The following TSC22D2 variants were observed in gnomAD, a reference collection of about 807,000 sequenced individuals.
TSC22D2 encodes the protein TSC22 domain family protein 2.
TSC22D2 carries 5 observed loss-of-function variants against 50.1 expected under a neutral mutation model. The observed-to-expected ratio is 0.10, with a 90% CI of 0.05 to 0.21. TSC22D2 has a LOEUF of 0.21. TSC22D2 is among the 10% of genes least tolerant of loss of function. The pLI is 1.00. For missense variants in TSC22D2, 1,003 were observed against 1,015.5 expected (o/e 0.99, Z 0.17); for synonymous variants, 501 against 450.1 (o/e 1.11, Z -1.43).
At chr3:150,458,023 A>C (rs1216927102) in intron 2 of TSC22D2, among the ~76,000 whole-genome samples, 1 of 152,186 alleles carries the variant, frequency 6.6e-6, no homozygotes, top group Non-Finnish European at 1.5e-5. Flanking sequence ...CTAGTTTAAC[A>C]TCAAACAGCT....
In TSC22D2 at chr3:150,410,079, C is replaced by A. The variant is rs534532992; in HGVS notation, c.729C>A (p.Asp243Glu). Residue 243 changes from aspartate to glutamate, a missense_variant, in exon 1 of 3, where the codon GAC (aspartate) becomes GAA (glutamate). Asp to Glu is a conservative substitution (Grantham distance 45). Transcript: ENST00000688009. Reference sequence around the variant, plus strand: ...CGCACGGGCCCGAGTCGGGAACTGACAGCTCCTTGACTGCTGTGTCACAGC... The same window carrying A: ...CGCACGGGCCCGAGTCGGGAACTGAAAGCTCCTTGACTGCTGTGTCACAGC... ...QGAHGPESGTDSSLTAVSQLP... is the reference protein window; with the variant it reads ...QGAHGPESGTESSLTAVSQLP... The A allele has an allele frequency of 6.2e-7, 1 of 1,613,044 alleles. No individual in the cohort carries two copies. The highest frequency in any genetic ancestry group is 8.5e-7 in the Non-Finnish European group (1 of 1,180,022).
intron 1 of TSC22D2, among the ~76,000 whole-genome samples, chr3:150,414,583 C>CTTG (rs1719728782): frequency 6.6e-6 from 1 of 152,000 alleles, no homozygotes; most frequent in Admixed American, 6.6e-5. Context: ...ATTTCTATGT[C>CTTG]TTGTTAATGG....
Position 150,461,414 on chromosome 3 carries a change from G to T in TSC22D2, c.*2778G>T, listed in dbSNP as rs1447904046. The T allele has an allele frequency of 6.6e-6, 1 of 152,176 alleles. No homozygotes were observed. The allele number at this position is 152,176 out of a possible 1,614,324, so 9.4% of individuals were successfully genotyped here. The stretch of plus-strand genomic sequence containing the variant: ...CCAATTTGGAGGCACAGTCTTACAG[G>T]AATGCCATCTATCTAATTCTGTCAG... On this transcript the variant is annotated 3_prime_UTR_variant, in exon 3 of 3. Transcript: ENST00000688009.
chr3:150,446,916 T>C (rs990231766), intron 1 of TSC22D2, among the ~76,000 whole-genome samples: 2 of 152,226 alleles, frequency 1.3e-5, no homozygotes, highest in Non-Finnish European at 2.9e-5. Flanking sequence ...CTTTGTCAAA[T>C]ATATTGTTCA....
intron 1 of TSC22D2, among the ~76,000 whole-genome samples, chr3:150,427,592 C>G (rs1720235381): frequency 6.6e-6 from 1 of 152,080 alleles, no homozygotes; most frequent in African/African-American, 2.4e-5. Context: ...GTACCTGAAC[C>G]ATTTTGTGAC....
In TSC22D2 at chr3:150,461,184, A is replaced by C. The variant is rs747055087; in HGVS notation, c.*2548A>C. 1 of 152,122 alleles carries C rather than the reference A, an allele frequency of 6.6e-6. No individual in the cohort carries two copies. The highest frequency in any genetic ancestry group is 2.4e-5 in the African/African-American group (1 of 41,420). 9.4% of individuals were successfully genotyped at this position (152,122 alleles called of 1,614,324 possible). A position where few individuals can be genotyped will look rare whatever the true frequency, so the allele number is the denominator to read the frequency against. ...GTGTAACGACAGGAGAAGATACTCA[A>C]CTCATGGTCCATTGTTCAAAAATGC... On this transcript the variant is annotated 3_prime_UTR_variant, in exon 3 of 3. Coordinates refer to ENST00000688009, the MANE Select transcript of TSC22D2 (RefSeq NM_001303264.2).
At position 150,458,986 on chromosome 3, in the gene TSC22D2, CATT is replaced by C. The variant is rs1721287665; in HGVS notation, c.*353_*355del. 1 of 187,618 alleles carries C rather than the reference CATT, an allele frequency of 5.3e-6. No homozygotes were observed. Among genetic ancestry groups the C allele is most frequent in the Admixed American group, 5.9e-5 (1 of 17,066 alleles). 11.6% of individuals were successfully genotyped at this position (187,618 alleles called of 1,614,324 possible). A position where few individuals can be genotyped will look rare whatever the true frequency, so the allele number is the denominator to read the frequency against. ...GGATTTACCCTGAGCCTTCCTATCA[CATT>C]ATAAATAACAGTTCATCTAAAGAGC... On this transcript the variant is annotated 3_prime_UTR_variant, in exon 3 of 3. Transcript: ENST00000688009.
At chr3:150,450,280 T>C (rs892622792) in intron 1 of TSC22D2, among the ~76,000 whole-genome samples, 1 of 152,178 alleles carries the variant, frequency 6.6e-6, no homozygotes, top group East Asian at 1.9e-4. Flanking sequence ...TAACTGAGTT[T>C]TTAATAGTTC....
rs2108114580 is a variant in TSC22D2, at chr3:150,464,179, C to A, written c.*5543C>A. On this transcript the variant is annotated 3_prime_UTR_variant, in exon 3 of 3. Transcript: ENST00000688009. ...ATTTCCATATAACAACTGTAAAATA[C>A]TCTTGCCTGCTGCAATCCAAATGTT... The A allele has an allele frequency of 6.6e-6, 1 of 152,226 alleles. No individual in the cohort carries two copies. Among genetic ancestry groups the A allele is most frequent in the South Asian group, 2.1e-4 (1 of 4,820 alleles). 9.4% of individuals were successfully genotyped at this position (152,226 alleles called of 1,614,324 possible).
chr3:150,411,336 G>C (rs771325649), intron 1 of TSC22D2, 28 bp downstream of exon 1: 5 of 1,563,674 alleles, frequency 3.2e-6, no homozygotes, highest in Non-Finnish European at 3.5e-6. Flanking sequence ...TTAAATATTT[G>C]ATAGAAATGC....
In TSC22D2 at chr3:150,460,965, CAGAAG is replaced by C. The variant is rs1721380937; in HGVS notation, c.*2333_*2337del. 1 of 152,100 alleles carries C rather than the reference CAGAAG, an allele frequency of 6.6e-6. No homozygotes were observed. The highest frequency in any genetic ancestry group is 1.5e-5 in the Non-Finnish European group (1 of 68,004). 9.4% of individuals were successfully genotyped at this position (152,100 alleles called of 1,614,324 possible). On this transcript the variant is annotated 3_prime_UTR_variant, in exon 3 of 3. Transcript: ENST00000688009. ...AAGGAGAGAAAATATGGGTAGTTCACAGAAGAGATAAATGGCAGTTTCTAAAGGTT... is the reference window on the plus strand; with the variant it reads ...AAGGAGAGAAAATATGGGTAGTTCACAGATAAATGGCAGTTTCTAAAGGTT...
chr3:150,408,911 T>G lies in TSC22D2; in HGVS notation c.-440T>G, dbSNP rs879040725. The G allele has an allele frequency of 1.5e-4, 25 of 161,400 alleles. 1 individual carries two copies. In the South Asian group the frequency reaches 1.8e-3, roughly 12 times the overall value. 10.0% of individuals were successfully genotyped at this position (161,400 alleles called of 1,614,324 possible). ...CGCCCCTCACGCCGCCGCCACCGCC[T>G]CCTCCTCCTCCTCTTCGCCCTCCCA... is the stretch of plus-strand genomic sequence containing the variant. On this transcript the variant is annotated 5_prime_UTR_variant, in exon 1 of 3. Transcript: ENST00000688009.
At chr3:150,412,264 T>C in intron 1 of TSC22D2, among the ~76,000 whole-genome samples, 1 of 152,228 alleles carries the variant, frequency 6.6e-6, no homozygotes, top group East Asian at 1.9e-4. Context: ...TTGCAATGTT[T>C]TAAAATTATA....
At chr3:150,419,088 T>C (rs1719922386) in intron 1 of TSC22D2, among the ~76,000 whole-genome samples, 1 of 152,100 alleles carries the variant, frequency 6.6e-6, no homozygotes, top group South Asian at 2.1e-4. Flanking sequence ...ACTAACCTTA[T>C]ATTAAACACA....
chr3:150,454,464 T>C (rs1360736219), intron 1 of TSC22D2, among the ~76,000 whole-genome samples: 2 of 152,226 alleles, frequency 1.3e-5, no homozygotes, highest in African/African-American at 4.8e-5. Flanking sequence ...TTTCCTCCTA[T>C]AACTTTCATT....
chr3:150,431,353 G>A lies in TSC22D2; in HGVS notation c.1958+20045G>A, dbSNP rs529233763. Among the ~76,000 whole-genome samples the A allele has an allele frequency of 2.0e-5, 3 of 151,622 alleles. No homozygotes were observed. In the South Asian group the frequency reaches 6.2e-4, roughly 32 times the overall value. On this transcript the variant is annotated intron_variant, in intron 1 of 2. Transcript: ENST00000688009. ...CAACAATATAATTACCAAATTCAGG[G>A]TATCTTATATTAATGTGCTATTATC...
At chr3:150,426,404 C>A (rs908564761) in intron 1 of TSC22D2, among the ~76,000 whole-genome samples, 3 of 152,124 alleles carry the variant, frequency 2.0e-5, no homozygotes, top group Non-Finnish European at 4.4e-5. Context: ...GTTTAGAAAC[C>A]TATCCTGATG....
rs760130655 is a variant in TSC22D2, at chr3:150,410,987, C to T, written c.1637C>T (p.Pro546Leu). 4.3e-6 allele frequency: 7 copies of T among 1,614,114 alleles called. No homozygotes were observed. The highest frequency in any genetic ancestry group is 5.9e-6 in the Non-Finnish European group (7 of 1,180,060). ...AQSQQLSSHT[P>L]VSRSSSIIQH... is the part of the protein sequence containing the mutation. Reference sequence around the variant, plus strand: ...TCGCAACAGCTGAGCAGCCATACGCCAGTCAGCAGGAGCAGCAGCATAATC... The same window carrying T: ...TCGCAACAGCTGAGCAGCCATACGCTAGTCAGCAGGAGCAGCAGCATAATC... Residue 546 changes from proline (P) to leucine (L), a missense_variant, in exon 1 of 3, where the codon CCA (proline) becomes CTA (leucine). By Grantham distance (98) the Pro-to-Leu change is moderately conservative. Around this residue, in one of 6 missense-constraint regions of TSC22D2, gnomAD observed 696 missense variants for 647.8 expected, o/e 1.07. Coordinates refer to ENST00000688009, the MANE Select transcript of TSC22D2 (RefSeq NM_001303264.2).
rs112343871 is a variant in TSC22D2, at chr3:150,456,241, G to A, written c.1959-835G>A. On this transcript the variant is annotated intron_variant, in intron 1 of 2. Transcript: ENST00000688009. ...TTGCTCTTGTTGCCCAGGCTGGATTGCAATGGCGTGATCTCGGCTCACTGC... is the reference window on the plus strand; with the variant it reads ...TTGCTCTTGTTGCCCAGGCTGGATTACAATGGCGTGATCTCGGCTCACTGC... Among the ~76,000 whole-genome samples the A allele has an allele frequency of 1.2e-3, 173 of 143,768 alleles. 1 individual carries two copies. The highest frequency in any genetic ancestry group is 4.4e-3 in the African/African-American group (169 of 38,688). The allele number at this position is 143,768 out of a possible 152,430, so 94.3% of individuals were successfully genotyped here.
Sources: allele counts gnomAD v4.1 joint callset (sites outside exome capture counted in the v4.1 genomes callset), GRCh38; gene constraint gnomAD v4.1.1; regional missense constraint gnomAD v4.1.1; transcripts MANE v1.5; gene names NCBI Gene and HGNC (gene_info 2026-07-23, HGNC 2026-07-21).